SLC35D2: variants seen among roughly 807,000 people sequenced by gnomAD.
SLC35D2 encodes the protein nucleotide sugar transporter SLC35D2.
SLC35D2 carries 43 observed loss-of-function variants against 41.8 expected under a neutral mutation model. That is an observed-to-expected ratio of 1.03 (90% CI 0.81 to 1.33). The LOEUF (loss-of-function observed/expected upper bound fraction) is 1.33. SLC35D2 is among the 40% of genes most tolerant of loss of function. The pLI, the probability that SLC35D2 is intolerant of heterozygous loss-of-function variation, is 0.00. For missense variants in SLC35D2, 380 were observed against 408.4 expected, an observed-to-expected ratio of 0.93 and a Z score of 0.60; for synonymous variants, 150 against 163.9, an observed-to-expected ratio of 0.92 and a Z score of 0.65.
chr9:96,347,520 T>C (rs1829633788), intron 6 of SLC35D2, among the ~76,000 whole-genome samples: 1 of 152,204 alleles, frequency 6.6e-6, no homozygotes, highest in African/African-American at 2.4e-5. Context: ...ACTACAGGCA[T>C]GTGCCACCAT....
At chr9:96,343,009 C>G (rs930554400) in intron 8 of SLC35D2, among the ~76,000 whole-genome samples, 2 of 152,210 alleles carry the variant, frequency 1.3e-5, no homozygotes, top group African/African-American at 2.4e-5. Flanking sequence ...GGGCTGTGTC[C>G]GGAGTCGAGT....
At chr9:96,381,997 G>A (rs1490055586) in intron 1 of SLC35D2, among the ~76,000 whole-genome samples, 1 of 152,128 alleles carries the variant, frequency 6.6e-6, no homozygotes, top group Non-Finnish European at 1.5e-5. Flanking sequence ...GTTTATTCAT[G>A]AACCTACCTG....
At chr9:96,339,282 T>C (rs1829200384) in intron 8 of SLC35D2, among the ~76,000 whole-genome samples, 2 of 152,338 alleles carry the variant, frequency 1.3e-5, no homozygotes, top group African/African-American at 4.8e-5. Flanking sequence ...AGCTAATTTC[T>C]GTATTTTTAG....
chr9:96,339,898 ACAC>A (rs1169446000), intron 8 of SLC35D2, among the ~76,000 whole-genome samples: 1 of 152,198 alleles, frequency 6.6e-6, no homozygotes, highest in Non-Finnish European at 1.5e-5. Context: ...AGTCACACAC[ACAC>A]ATTTACCACA....
intron 2 of SLC35D2, among the ~76,000 whole-genome samples, chr9:96,366,891 CAA>C (rs1255500810): frequency 1.3e-5 from 2 of 150,878 alleles, no homozygotes; most frequent in African/African-American, 2.4e-5. Context: ...AATGATGTTG[CAA>C]AGAGGTATTT....
At chr9:96,333,223 C>T (rs1007280470) in intron 9 of SLC35D2, among the ~76,000 whole-genome samples, 1 of 150,964 alleles carries the variant, frequency 6.6e-6, no homozygotes, top group Admixed American at 6.6e-5. Context: ...AAAATGACTA[C>T]TGATAAAATA....
chr9:96,323,281 T>C (rs1039483441), intron 10 of SLC35D2, among the ~76,000 whole-genome samples: 1 of 152,072 alleles, frequency 6.6e-6, no homozygotes, highest in African/African-American at 2.4e-5. Context: ...AATTATGGAA[T>C]AGAATCCAGA....
chr9:96,320,322 TG>T (rs1268910072), downstream of SLC35D2, among the ~76,000 whole-genome samples: 1 of 152,226 alleles, frequency 6.6e-6, no homozygotes, highest in Non-Finnish European at 1.5e-5. Flanking sequence ...AAGACTAGCC[TG>T]GCCAACATGA....
intron 8 of SLC35D2, among the ~76,000 whole-genome samples, chr9:96,343,442 G>A (rs1330348273): frequency 6.6e-6 from 1 of 152,200 alleles, no homozygotes; most frequent in African/African-American, 2.4e-5. Context: ...AAAATAAGAT[G>A]GCAAAATGCC....
Position 96,344,529 on chromosome 9 carries a change from A to AAAAAT in SLC35D2, c.592-534_592-533insATTTT, listed in dbSNP as rs745811048. 1.2e-3 allele frequency among the ~76,000 whole-genome samples: 86 copies of AAAAAT among 69,700 alleles called. 2 individuals carry two copies. The highest frequency in any genetic ancestry group is 6.9e-3 in the African/African-American group (85 of 12,266). The allele number at this position is 69,700 out of a possible 152,430, so 45.7% of individuals were successfully genotyped here. ...ACCGTTAAAAAAAAAAAAAAAAAAA[A>AAAAAT]GGCCATGCAGGGGAAAAAAAAAAAA... On this transcript the variant is annotated intron_variant, in intron 7 of 11. Transcript: ENST00000253270.
intron 9 of SLC35D2, among the ~76,000 whole-genome samples, chr9:96,325,466 T>C (rs971599693): frequency 6.6e-6 from 1 of 152,204 alleles, no homozygotes; most frequent in African/African-American, 2.4e-5. Flanking sequence ...GTGAATCACC[T>C]GAAGTCAGGA....
intron 11 of SLC35D2, among the ~76,000 whole-genome samples, chr9:96,315,515 G>A (rs1828031296): frequency 1.3e-5 from 2 of 148,502 alleles, no homozygotes; most frequent in South Asian, 4.3e-4. Context: ...CTCACTGCAA[G>A]CTCTGCCTTG....
intron 5 of SLC35D2, 37 bp downstream of exon 5, chr9:96,352,001 G>A: frequency 7.3e-7 from 1 of 1,373,438 alleles, no homozygotes; most frequent in Non-Finnish European, 1.0e-6. Context: ...CAGTGGGTGG[G>A]AGGCACACTG....
chr9:96,322,781 C>A (rs1240174501), intron 10 of SLC35D2, among the ~76,000 whole-genome samples: 3 of 141,402 alleles, frequency 2.1e-5, no homozygotes, highest in Admixed American at 7.3e-5. Flanking sequence ...TGCAGTGGCA[C>A]AATCTCAGCT....
At chr9:96,367,326 G>T (rs886123287) in intron 2 of SLC35D2, among the ~76,000 whole-genome samples, 1 of 150,858 alleles carries the variant, frequency 6.6e-6, no homozygotes, top group Non-Finnish European at 1.5e-5. Flanking sequence ...ATAATGTTAA[G>T]CTTTTCCCTC....
At chr9:96,349,963 T>C (rs1829741659) in intron 6 of SLC35D2, among the ~76,000 whole-genome samples, 1 of 152,130 alleles carries the variant, frequency 6.6e-6, no homozygotes, top group African/African-American at 2.4e-5. Context: ...AAGCCTGTCA[T>C]GACTAGATGA....
chr9:96,381,025 C>T (rs545994959), intron 1 of SLC35D2, among the ~76,000 whole-genome samples: 25 of 152,344 alleles, frequency 1.6e-4, no homozygotes, highest in African/African-American at 4.6e-4. Context: ...GCCCAGTCCA[C>T]GCCGTCTTTA....
intron 7 of SLC35D2, among the ~76,000 whole-genome samples, chr9:96,345,058 T>C (rs79172841): frequency 0.014 from 2,092 of 152,280 alleles, 42 homozygotes; most frequent in African/African-American, 0.047. Context: ...CCTTTCAGAA[T>C]AATCCCTTTT....
At chr9:96,321,671 C>A (rs1485217119) in intron 11 of SLC35D2, among the ~76,000 whole-genome samples, 3 of 152,176 alleles carry the variant, frequency 2.0e-5, no homozygotes, top group Admixed American at 6.6e-5. Flanking sequence ...TTAGTCCACA[C>A]CCCCTGCATG....
Sources: gnomAD v4.1 joint callset for allele counts (sites outside exome capture counted in the v4.1 genomes callset) on GRCh38, gnomAD v4.1.1 for gene constraint, MANE v1.5 for transcripts, NCBI Gene and HGNC (gene_info 2026-07-23, HGNC 2026-07-21) for gene names.